The following PTPRT variants were observed in gnomAD, a reference collection of about 807,000 sequenced individuals.
The protein encoded by PTPRT is protein tyrosine phosphatase receptor type T, also known as receptor-type tyrosine-protein phosphatase T.
PTPRT carries 56 observed loss-of-function variants against 176.8 expected under a neutral mutation model. That is an observed-to-expected ratio of 0.32 (90% confidence interval 0.26 to 0.40). The LOEUF (loss-of-function observed/expected upper bound fraction) is 0.40, where lower values mean the gene tolerates loss of function less well. Among genes scored for constraint, PTPRT ranks in the 10% least tolerant of loss-of-function variants. PTPRT has a pLI of 1.00. For missense variants in PTPRT, 1,540 were observed against 1,908.2 expected (o/e 0.81, Z 3.60); for synonymous variants, 783 against 739.0 (o/e 1.06, Z -0.96).
intron 1 of PTPRT, among the ~76,000 whole-genome samples, chr20:42,893,687 AATG>A (rs1166849178): frequency 6.6e-6 from 1 of 151,938 alleles, no homozygotes; most frequent in Non-Finnish European, 1.5e-5. Context: ...AGCCATAAAA[AATG>A]ATGAGTTCAT....
At chr20:42,313,072 C>T (rs778868620) in intron 12 of PTPRT, among the ~76,000 whole-genome samples, 9 of 152,140 alleles carry the variant, frequency 5.9e-5, no homozygotes, top group Non-Finnish European at 1.3e-4. Context: ...AGTAAAGAAG[C>T]TGGCTAAAAT....
chr20:42,672,277 T>A (rs1240575741), intron 7 of PTPRT, among the ~76,000 whole-genome samples: 1 of 152,134 alleles, frequency 6.6e-6, no homozygotes, highest in Non-Finnish European at 1.5e-5. Flanking sequence ...ATGTAAAGAC[T>A]AGACTGGCTT....
At chr20:42,302,861 C>T (rs990015305) in intron 12 of PTPRT, among the ~76,000 whole-genome samples, 9 of 152,140 alleles carry the variant, frequency 5.9e-5, no homozygotes, top group African/African-American at 2.2e-4. Flanking sequence ...TGGGTTTAAG[C>T]CATGGCTCTG....
At chr20:42,753,601 G>A (rs971876824) in intron 6 of PTPRT, among the ~76,000 whole-genome samples, 1 of 152,194 alleles carries the variant, frequency 6.6e-6, no homozygotes, top group African/African-American at 2.4e-5. Context: ...AGTGGCAGGG[G>A]CTGCAGGTGA....
At chr20:42,345,366 T>TACACAC (rs35901100) in intron 11 of PTPRT, among the ~76,000 whole-genome samples, 16,031 of 133,992 alleles carry the variant, frequency 0.12, 1,536 homozygotes, top group African/African-American at 0.21. Flanking sequence ...AAGGCATATA[T>TACACAC]ACACACACAC....
At chr20:43,046,354 G>A (rs1986838049) in intron 1 of PTPRT, among the ~76,000 whole-genome samples, 1 of 152,002 alleles carries the variant, frequency 6.6e-6, no homozygotes, top group East Asian at 1.9e-4. Context: ...GGCGGATCAT[G>A]AGGTCAGATC....
intron 18 of PTPRT, among the ~76,000 whole-genome samples, chr20:42,132,625 C>T (rs1478976087): frequency 6.6e-6 from 1 of 152,202 alleles, no homozygotes; most frequent in Admixed American, 6.5e-5. Flanking sequence ...GATACCACTA[C>T]ATACATATTA....
At chr20:43,142,063 G>C (rs545649351) in intron 1 of PTPRT, among the ~76,000 whole-genome samples, 2 of 152,336 alleles carry the variant, frequency 1.3e-5, no homozygotes, top group Non-Finnish European at 2.9e-5. Flanking sequence ...CATGCCATCT[G>C]CTCCCTCATT....
chr20:43,137,187 G>A (rs1355988068), intron 1 of PTPRT, among the ~76,000 whole-genome samples: 2 of 152,156 alleles, frequency 1.3e-5, no homozygotes, highest in African/African-American at 2.4e-5. Flanking sequence ...CCAGAAGGGT[G>A]AGGCAGCATG....
rs6030178 is a variant in PTPRT, at chr20:42,374,213, T to C, written c.1561-21928A>G. Among the ~76,000 whole-genome samples, 1,365 of 152,362 alleles carry C rather than the reference T, an allele frequency of 9.0e-3. 21 individuals carry two copies. The highest frequency in any genetic ancestry group is 0.031 in the African/African-American group (1,305 of 41,586). On this transcript the variant is annotated intron_variant, in intron 9 of 30. Coordinates refer to ENST00000373187, the MANE Select transcript of PTPRT (RefSeq NM_007050.6). ...TCTCACTCTCAACACCAGCTCTTTC[T>C]TCTCAAGAACTTTTCAGAGGCAGGG... is the stretch of plus-strand genomic sequence containing the variant.
At chr20:42,175,130 T>A (rs2146560194) in intron 16 of PTPRT, among the ~76,000 whole-genome samples, 1 of 152,254 alleles carries the variant, frequency 6.6e-6, no homozygotes, top group East Asian at 1.9e-4. Flanking sequence ...GCATGAGAAC[T>A]TTTTCAAAGG....
chr20:42,398,423 A>G (rs898153966), intron 9 of PTPRT, among the ~76,000 whole-genome samples: 5 of 152,200 alleles, frequency 3.3e-5, no homozygotes, highest in Non-Finnish European at 5.9e-5. Flanking sequence ...AAAATTATCT[A>G]AAAACAGGAG....
intron 7 of PTPRT, among the ~76,000 whole-genome samples, chr20:42,650,675 C>A (rs1354605257): frequency 1.3e-5 from 2 of 152,144 alleles, no homozygotes; most frequent in Non-Finnish European, 2.9e-5. Context: ...CTTGGCTCTG[C>A]AGGGACAATA....
chr20:42,312,004 T>C (rs2057639822), intron 12 of PTPRT, among the ~76,000 whole-genome samples: 1 of 152,236 alleles, frequency 6.6e-6, no homozygotes, highest in South Asian at 2.1e-4. Context: ...AATAGTGAAT[T>C]ATAGATCCAG....
intron 7 of PTPRT, among the ~76,000 whole-genome samples, chr20:42,546,253 T>C (rs1369852179): frequency 6.6e-6 from 1 of 151,960 alleles, no homozygotes; most frequent in Admixed American, 6.6e-5. Flanking sequence ...TGGAAGAAGA[T>C]TTATACACAA....
intron 7 of PTPRT, among the ~76,000 whole-genome samples, chr20:42,553,751 C>T (rs992639573): frequency 6.6e-6 from 1 of 152,026 alleles, no homozygotes; most frequent in Admixed American, 6.6e-5. Flanking sequence ...AGAGTTTATC[C>T]AGTCACGGGG....
chr20:42,761,492 T>A (rs1600709240), intron 5 of PTPRT, among the ~76,000 whole-genome samples: 1 of 151,642 alleles, frequency 6.6e-6, no homozygotes, highest in African/African-American at 2.4e-5. Flanking sequence ...TCTAATAAAT[T>A]CCCAGACCTA....
chr20:42,409,784 G>A (rs954324858), intron 9 of PTPRT, among the ~76,000 whole-genome samples: 2 of 152,192 alleles, frequency 1.3e-5, no homozygotes, highest in Admixed American at 1.3e-4. Context: ...GTAAAGTTTT[G>A]TTAGAATATA....
chr20:42,640,696 A>G (rs2074725417), intron 7 of PTPRT, among the ~76,000 whole-genome samples: 1 of 152,150 alleles, frequency 6.6e-6, no homozygotes, highest in African/African-American at 2.4e-5. Flanking sequence ...CAACACAAGT[A>G]TTGAAAATAA....
Sources: gnomAD v4.1 joint callset for allele counts (sites outside exome capture counted in the v4.1 genomes callset) on GRCh38, gnomAD v4.1.1 for gene constraint, MANE v1.5 for transcripts, NCBI Gene and HGNC (gene_info 2026-07-23, HGNC 2026-07-21) for gene names.